The following CDC42BPA variants were observed in gnomAD, a reference collection of about 807,000 sequenced individuals.
CDC42BPA encodes serine/threonine-protein kinase MRCK alpha.
CDC42BPA carries 80 observed loss-of-function variants against 223.5 expected under a neutral mutation model. That is an observed-to-expected ratio of 0.36 (90% confidence interval 0.30 to 0.43). CDC42BPA has a LOEUF of 0.43. Ranked by LOEUF, CDC42BPA falls within the 20% of genes least tolerant of loss-of-function variation. The probability of loss-of-function intolerance (pLI) is 1.00; values close to 1 mark genes in which losing one functional copy is unlikely to be tolerated. For synonymous variants in CDC42BPA, 694 were observed against 718.6 expected (o/e 0.97, Z 0.55); for missense variants, 1,743 against 2,099.9 (o/e 0.83, Z 3.32).
chr1:227,061,001 G>A (rs1675811166), intron 21 of CDC42BPA, among the ~76,000 whole-genome samples: 1 of 152,076 alleles, frequency 6.6e-6, no homozygotes, highest in South Asian at 2.1e-4. Flanking sequence ...GATTACAGGT[G>A]TGAACCACCG....
intron 14 of CDC42BPA, among the ~76,000 whole-genome samples, chr1:227,105,465 C>T (rs1204450497): frequency 6.0e-5 from 9 of 150,472 alleles, no homozygotes; most frequent in Admixed American, 1.3e-4. Flanking sequence ...GCAATCTTCC[C>T]ACCTCAGCCT....
intron 24 of CDC42BPA, among the ~76,000 whole-genome samples, chr1:227,038,246 C>T (rs1448272132): frequency 2.1e-5 from 3 of 144,392 alleles, no homozygotes; most frequent in African/African-American, 5.3e-5. Flanking sequence ...ACATGTAAGA[C>T]GTGACTTTGC....
intron 17 of CDC42BPA, among the ~76,000 whole-genome samples, chr1:227,079,466 T>C (rs1270920557): frequency 6.6e-6 from 1 of 152,128 alleles, no homozygotes; most frequent in East Asian, 1.9e-4. Context: ...TCTTCTGAAG[T>C]CATTTTCAGC....
At chr1:227,155,016 T>C (rs747429426) in intron 6 of CDC42BPA, among the ~76,000 whole-genome samples, 2 of 152,150 alleles carry the variant, frequency 1.3e-5, no homozygotes, top group Non-Finnish European at 2.9e-5. Context: ...TTGATTCAGC[T>C]GGTATGGTTT....
chr1:227,245,312 C>T (rs1435374615), intron 2 of CDC42BPA, among the ~76,000 whole-genome samples: 2 of 99,332 alleles, frequency 2.0e-5, no homozygotes, highest in Admixed American at 3.0e-4. Flanking sequence ...TTTTTTGAGA[C>T]GGAGTCTCAC....
At chr1:227,277,025 G>A (rs1444431174) in intron 1 of CDC42BPA, among the ~76,000 whole-genome samples, 1 of 148,470 alleles carries the variant, frequency 6.7e-6, no homozygotes, top group African/African-American at 2.5e-5. Flanking sequence ...ATTGTCCTAT[G>A]ACCCTGCCAA....
At chr1:227,159,292 G>A (rs186355521) in intron 6 of CDC42BPA, among the ~76,000 whole-genome samples, 21 of 152,220 alleles carry the variant, frequency 1.4e-4, no homozygotes, top group African/African-American at 4.8e-4. Context: ...TTTGAGACCA[G>A]CCTGACCAAC....
intron 21 of CDC42BPA, among the ~76,000 whole-genome samples, chr1:227,066,295 C>T (rs1677048636): frequency 6.6e-6 from 1 of 151,844 alleles, no homozygotes; most frequent in Non-Finnish European, 1.5e-5. Flanking sequence ...GAGGCTGAGG[C>T]AGGAGAATCG....
Position 227,042,119 on chromosome 1 carries a change from T to C in CDC42BPA, c.3094-1883A>G, listed in dbSNP as rs147601765. Among the ~76,000 whole-genome samples, 909 of 152,258 alleles carry C rather than the reference T, an allele frequency of 6.0e-3. 10 individuals carry two copies. The highest frequency in any genetic ancestry group is 0.021 in the African/African-American group (856 of 41,546). Reference sequence around the variant, plus strand: ...GTGAAGTTATTTTACTGGTTAGTCCTAGAGGCTTTGAATACAAAGAAGGAA... The same window carrying C: ...GTGAAGTTATTTTACTGGTTAGTCCCAGAGGCTTTGAATACAAAGAAGGAA... On this transcript the variant is annotated intron_variant, in intron 23 of 36. Coordinates refer to ENST00000366766, the MANE Select transcript of CDC42BPA (RefSeq NM_001394014.1).
At chr1:227,305,248 T>C (rs1692339848) in intron 1 of CDC42BPA, among the ~76,000 whole-genome samples, 1 of 152,154 alleles carries the variant, frequency 6.6e-6, no homozygotes, top group Non-Finnish European at 1.5e-5. Flanking sequence ...AAAATTTTTT[T>C]AAGTGAAGAA....
At chr1:227,175,596 A>G (rs934212082) in intron 5 of CDC42BPA, among the ~76,000 whole-genome samples, 1 of 152,144 alleles carries the variant, frequency 6.6e-6, no homozygotes, top group Admixed American at 6.5e-5. Flanking sequence ...TGCACTCATT[A>G]AAACTCATTA....
chr1:227,051,919 T>C lies in CDC42BPA; in HGVS notation c.2971A>G (p.Thr991Ala). ...GCTTCACTAGATGTGGAAGGAGATG[T>C]GGACCGTGACTGGATGTGAAACTTG... is the stretch of plus-strand genomic sequence containing the variant. ...SVKFHIQSRSTSPSTSSEAEP... is the reference protein window; with the variant it reads ...SVKFHIQSRSASPSTSSEAEP... Residue 991 changes from threonine to alanine, a missense_variant, in exon 22 of 37, where the codon ACA becomes GCA. Coordinates refer to ENST00000366766, the MANE Select transcript of CDC42BPA (RefSeq NM_001394014.1). 7.3e-7 allele frequency: 1 copy of C among 1,366,518 alleles called. No individual in the cohort carries two copies. The highest frequency in any genetic ancestry group is 9.8e-7 in the Non-Finnish European group (1 of 1,021,818). The allele number at this position is 1,366,518 out of a possible 1,614,324, so 84.6% of individuals were successfully genotyped here. A position where few individuals can be genotyped will look rare whatever the true frequency, so the allele number is the denominator to read the frequency against.
At chr1:227,019,974 G>A (rs1042765978) in intron 32 of CDC42BPA, among the ~76,000 whole-genome samples, 3 of 151,742 alleles carry the variant, frequency 2.0e-5, no homozygotes, top group East Asian at 1.9e-4. Context: ...TCAGCTCACC[G>A]CAACCTCCAC....
chr1:227,124,164 C>G (rs999410170), intron 11 of CDC42BPA, among the ~76,000 whole-genome samples: 1 of 152,050 alleles, frequency 6.6e-6, no homozygotes, highest in Non-Finnish European at 1.5e-5. Flanking sequence ...CTATAACCTA[C>G]CCCTAACCTT....
At chr1:227,176,237 G>A (rs996900553) in intron 5 of CDC42BPA, among the ~76,000 whole-genome samples, 13 of 152,084 alleles carry the variant, frequency 8.5e-5, no homozygotes, top group Admixed American at 2.6e-4. Context: ...ACAGGTGTGA[G>A]CCACCATGCC....
intron 16 of CDC42BPA, among the ~76,000 whole-genome samples, chr1:227,086,921 C>T (rs1055615453): frequency 6.6e-6 from 1 of 152,102 alleles, no homozygotes; most frequent in Non-Finnish European, 1.5e-5. Context: ...GATCCTCATG[C>T]CTTAGACTCC....
chr1:227,184,337 A>C (rs2150067081), intron 5 of CDC42BPA, among the ~76,000 whole-genome samples: 1 of 151,376 alleles, frequency 6.6e-6, no homozygotes, highest in Admixed American at 6.6e-5. Context: ...TAAATCCATG[A>C]CCCATTTTGA....
At chr1:227,151,881 CAAAAAA>C (rs58336726) in intron 6 of CDC42BPA, among the ~76,000 whole-genome samples, 2 of 85,774 alleles carry the variant, frequency 2.3e-5, no homozygotes, top group African/African-American at 9.7e-5. Flanking sequence ...CCAGTCTCTA[CAAAAAA>C]AAAAAAAAAA....
intron 3 of CDC42BPA, among the ~76,000 whole-genome samples, chr1:227,203,490 T>G (rs1006946931): frequency 3.9e-5 from 6 of 152,168 alleles, no homozygotes; most frequent in African/African-American, 1.4e-4. Context: ...TGGGTATATA[T>G]ATATTCATAA....
Sources: gnomAD v4.1 joint callset for allele counts (sites outside exome capture counted in the v4.1 genomes callset) on GRCh38, gnomAD v4.1.1 for gene constraint, MANE v1.5 for transcripts, NCBI Gene and HGNC (gene_info 2026-07-23, HGNC 2026-07-21) for gene names.